Variants in SGPP2 observed in about 807,000 individuals in gnomAD.
The protein encoded by SGPP2 is sphingosine-1-phosphate phosphatase 2.
In SGPP2, 30 loss-of-function variants were observed where a neutral mutation model predicts 33.9. The observed-to-expected ratio is 0.89, with a 90% CI of 0.66 to 1.20. SGPP2 has a LOEUF of 1.20. Among genes scored for constraint, SGPP2 ranks in the 50% most tolerant of loss-of-function variants. The probability of loss-of-function intolerance (pLI) is 0.00; values close to 1 mark genes in which losing one functional copy is unlikely to be tolerated. For synonymous variants in SGPP2, 233 were observed against 225.0 expected, an observed-to-expected ratio of 1.04 and a Z score of -0.32; for missense variants, 458 against 532.1, an observed-to-expected ratio of 0.86 and a Z score of 1.37.
chr2:222,462,425 A>T (rs1697677380), intron 1 of SGPP2, among the ~76,000 whole-genome samples: 1 of 152,268 alleles, frequency 6.6e-6, no homozygotes, highest in African/African-American at 2.4e-5. Flanking sequence ...AACACTGGTC[A>T]TCTGGTGGGC....
At position 222,474,690 on chromosome 2, in the gene SGPP2, C is replaced by A. The variant is rs1466487318; in HGVS notation, c.342C>A (p.Asp114Glu). Residue 114 changes from aspartate (D) to glutamate (E), a missense_variant, in exon 2 of 5, where the codon GAC (aspartate) becomes GAA (glutamate). Asp to Glu is a conservative substitution (Grantham distance 45). Coordinates refer to ENST00000321276, the MANE Select transcript of SGPP2 (RefSeq NM_152386.4). ...TFLPFTHWNI[D>E]PYLSRRLIII... The stretch of plus-strand genomic sequence containing the variant: ...TTCCATTCACTCACTGGAATATTGA[C>A]CCTTATTTATCCAGAAGATTGATCA... The A allele has an allele frequency of 6.8e-6, 11 of 1,613,844 alleles. No individual in the cohort carries two copies. Among genetic ancestry groups the A allele is most frequent in the Non-Finnish European group, 8.5e-7 (1 of 1,179,810 alleles).
chr2:222,469,601 G>A (rs1034730344), intron 1 of SGPP2, among the ~76,000 whole-genome samples: 1 of 152,088 alleles, frequency 6.6e-6, no homozygotes, highest in African/African-American at 2.4e-5. Flanking sequence ...TGGTTTCATT[G>A]GCCTCAGCTT....
At position 222,562,560 on chromosome 2, in the gene SGPP2, A is replaced by C. The variant is rs1689568179; in HGVS notation, c.*3662A>C. Among the ~76,000 whole-genome samples the C allele has an allele frequency of 6.6e-6, 1 of 152,180 alleles. No individual in the cohort carries two copies. The highest frequency in any genetic ancestry group is 2.4e-5 in the African/African-American group (1 of 41,434). On this transcript the variant is annotated 3_prime_UTR_variant, in exon 5 of 5. Transcript: ENST00000321276. ...CTGTCTTGCTTATGTACTGTATGTA[A>C]ATTTATTCTTTTTAAAAATCACTTT... is the stretch of plus-strand genomic sequence containing the variant.
At chr2:222,531,372 A>G (rs1698836772) in intron 4 of SGPP2, among the ~76,000 whole-genome samples, 2 of 152,246 alleles carry the variant, frequency 1.3e-5, no homozygotes, top group African/African-American at 4.8e-5. Context: ...GACACCTGCT[A>G]CAACATGGAT....
In SGPP2 at chr2:222,474,669, A is replaced by C. The variant is rs758644991; in HGVS notation, c.321A>C (p.Pro107=). The C allele has an allele frequency of 6.2e-7, 1 of 1,614,024 alleles. No individual in the cohort carries two copies. The highest frequency in any genetic ancestry group is 1.1e-5 in the South Asian group (1 of 91,074). The change falls in exon 2 of 5, where the codon CCA becomes CCC. Residue 107 remains proline, a synonymous_variant. Coordinates refer to ENST00000321276, the MANE Select transcript of SGPP2 (RefSeq NM_152386.4). ...AAGTGTTCTACATCACGTTTCTTCCATTCACTCACTGGAATATTGACCCTT... is the reference window on the plus strand; with the variant it reads ...AAGTGTTCTACATCACGTTTCTTCCCTTCACTCACTGGAATATTGACCCTT... ...GQEVFYITFL[P]FTHWNIDPYL... is the part of the protein sequence containing the mutation.
At chr2:222,539,271 C>T (rs776888918) in intron 4 of SGPP2, among the ~76,000 whole-genome samples, 11 of 152,190 alleles carry the variant, frequency 7.2e-5, no homozygotes, top group Non-Finnish European at 1.2e-4. Flanking sequence ...TCAGGGCAGC[C>T]ATTAAATCTT....
At chr2:222,438,128 G>A (rs1168368280) in intron 1 of SGPP2, among the ~76,000 whole-genome samples, 1 of 152,120 alleles carries the variant, frequency 6.6e-6, no homozygotes, top group Non-Finnish European at 1.5e-5. Flanking sequence ...ATCCAAATAG[G>A]CCCATTAGGC....
chr2:222,432,850 T>C (rs1478024740), intron 1 of SGPP2, among the ~76,000 whole-genome samples: 1 of 152,062 alleles, frequency 6.6e-6, no homozygotes, highest in Non-Finnish European at 1.5e-5. Flanking sequence ...GGAGAAACCC[T>C]GTCTCTACTA....
intron 1 of SGPP2, chr2:222,452,591 G>A: frequency 7.7e-7 from 1 of 1,293,932 alleles, no homozygotes; most frequent in Non-Finnish European, 1.1e-6. Context: ...AGTTATAGAA[G>A]GGACTGTTCC....
intron 2 of SGPP2, among the ~76,000 whole-genome samples, chr2:222,480,781 A>G (rs1482356514): frequency 6.6e-6 from 1 of 152,194 alleles, no homozygotes; most frequent in Admixed American, 6.5e-5. Flanking sequence ...AATCATTGCT[A>G]ATTTAACCAA....
intron 4 of SGPP2, among the ~76,000 whole-genome samples, chr2:222,531,692 G>T (rs1698841375): frequency 6.6e-6 from 1 of 152,156 alleles, no homozygotes; most frequent in African/African-American, 2.4e-5. Context: ...TGTTATGTGT[G>T]TGTGTATACA....
At chr2:222,475,000 C>A (rs968805203) in intron 2 of SGPP2, among the ~76,000 whole-genome samples, 1 of 152,048 alleles carries the variant, frequency 6.6e-6, no homozygotes, top group Non-Finnish European at 1.5e-5. Context: ...AGGACTCTCC[C>A]AAAATTCTAA....
chr2:222,525,949 G>A (rs1315522233), intron 4 of SGPP2, among the ~76,000 whole-genome samples: 1 of 152,284 alleles, frequency 6.6e-6, no homozygotes, highest in East Asian at 1.9e-4. Context: ...AGATTGGGGA[G>A]ATCATTTGTC....
At chr2:222,444,715 C>T (rs971451718) in intron 1 of SGPP2, among the ~76,000 whole-genome samples, 1 of 152,304 alleles carries the variant, frequency 6.6e-6, no homozygotes, top group Non-Finnish European at 1.5e-5. Context: ...CCGTTGCCTC[C>T]AAGACGCCTG....
intron 1 of SGPP2, among the ~76,000 whole-genome samples, chr2:222,445,572 G>C (rs1697386255): frequency 1.3e-5 from 2 of 152,158 alleles, no homozygotes; most frequent in South Asian, 4.1e-4. Flanking sequence ...GAAGGACTGT[G>C]CTACCCTTGG....
At chr2:222,532,213 G>T (rs926392034) in intron 4 of SGPP2, among the ~76,000 whole-genome samples, 1 of 152,080 alleles carries the variant, frequency 6.6e-6, no homozygotes, top group Non-Finnish European at 1.5e-5. Context: ...GGCGGAGTTT[G>T]CAGTGAGCCG....
intron 1 of SGPP2, among the ~76,000 whole-genome samples, chr2:222,455,975 A>G (rs1210709996): frequency 6.6e-6 from 1 of 151,954 alleles, no homozygotes; most frequent in African/African-American, 2.4e-5. Context: ...GCAACTTGGG[A>G]GGCTAAGGTG....
At chr2:222,539,021 A>G (rs1471859651) in intron 4 of SGPP2, among the ~76,000 whole-genome samples, 2 of 152,158 alleles carry the variant, frequency 1.3e-5, no homozygotes, top group African/African-American at 4.8e-5. Context: ...TCAAAATATA[A>G]TCATGACTGT....
Position 222,474,718 on chromosome 2 carries a change from A to G in SGPP2, c.370A>G (p.Ile124Val), listed in dbSNP as rs149282828. 3 of 1,613,146 alleles carry G rather than the reference A, an allele frequency of 1.9e-6. No individual in the cohort carries two copies. Among genetic ancestry groups the G allele is most frequent in the South Asian group, 1.1e-5 (1 of 90,984 alleles). ...TTATTTATCCAGAAGATTGATCATCATATGGGTTGTAAGTATTATTACTAC... is the reference window on the plus strand; with the variant it reads ...TTATTTATCCAGAAGATTGATCATCGTATGGGTTGTAAGTATTATTACTAC... ...DPYLSRRLII[I>V]WVLVMYIGQV... The change falls in exon 2 of 5, where the codon ATA (isoleucine) becomes GTA (valine). Residue 124 changes from isoleucine to valine, a missense_variant. Transcript: ENST00000321276.
Sources: gnomAD v4.1 joint callset for allele counts (sites outside exome capture counted in the v4.1 genomes callset) on GRCh38, gnomAD v4.1.1 for gene constraint, MANE v1.5 for transcripts, NCBI Gene and HGNC (gene_info 2026-07-23, HGNC 2026-07-21) for gene names.